The following RTN1 variants were observed in gnomAD, a reference collection of about 807,000 sequenced individuals.
RTN1 encodes the protein reticulon-1.
Under a neutral mutation model 65.5 loss-of-function variants are expected in RTN1, and 25 were observed. The observed-to-expected ratio is 0.38, with a 90% CI of 0.28 to 0.53. The LOEUF (loss-of-function observed/expected upper bound fraction) is 0.53. RTN1 is among the 20% of genes least tolerant of loss of function. The probability of loss-of-function intolerance (pLI) is 0.79; values close to 1 mark genes in which losing one functional copy is unlikely to be tolerated. For missense variants in RTN1, 983 were observed against 1,025.4 expected (o/e 0.96, Z 0.57); for synonymous variants, 471 against 447.6 (o/e 1.05, Z -0.66).
At position 59,774,781 on chromosome 14, in the gene RTN1, C is replaced by T. The variant is rs189957281; in HGVS notation, c.242-28300G>A. Among the ~76,000 whole-genome samples, 1 of 152,298 alleles carries T rather than the reference C, an allele frequency of 6.6e-6. No individual in the cohort carries two copies. The highest frequency in any genetic ancestry group is 1.5e-5 in the Non-Finnish European group (1 of 68,016). ...TATGGTAAAATCAGCCAACAGCCAA[C>T]TCACAACATCTCCCCAAGGAGACCA... On this transcript the variant is annotated intron_variant, in intron 1 of 8. Transcript: ENST00000267484. This position sits in a 1 kb window ranked among gnomAD's most constrained non-coding sequence, Gnocchi z 5.1.
chr14:59,616,415 G>A (rs1245243568), intron 3 of RTN1, among the ~76,000 whole-genome samples: 1 of 152,060 alleles, frequency 6.6e-6, no homozygotes, highest in African/African-American at 2.4e-5. Context: ...AAATTTAACA[G>A]GTGCTCTTAA....
In RTN1 at chr14:59,630,600, T is replaced by C. The variant is rs531887838; in HGVS notation, c.1766-23108A>G. 30 of 1,586,750 alleles carry C rather than the reference T, an allele frequency of 1.9e-5. No homozygotes were observed. The African/African-American group carries it at 2.8e-4, about 15-fold the overall frequency. On this transcript the variant is annotated intron_variant, in intron 3 of 8. Transcript: ENST00000267484. The stretch of plus-strand genomic sequence containing the variant: ...CCGGCTGCTGCGGCTGGGCTCGCAG[T>C]GGCCGCGCGGCTGCGGAGAGACTGA...
In RTN1 at chr14:59,745,707, C is replaced by G. The variant is rs1266056806; in HGVS notation, c.1015+1G>C. 6.3e-7 allele frequency: 1 copy of G among 1,594,290 alleles called. No individual in the cohort carries two copies. Among genetic ancestry groups the G allele is most frequent in the Non-Finnish European group, 8.5e-7 (1 of 1,172,466 alleles). On this transcript the variant is annotated splice_donor_variant, in intron 2 of 8. Transcript: ENST00000267484. LOFTEE classifies it high-confidence loss of function. ...AAGTCAAGCAATAACAGGGCCTTTA[C>G]CTGTTCCAGAAGATGGAGGGGTGAT... is the stretch of plus-strand genomic sequence containing the variant.
At chr14:59,738,392 C>T (rs768653370) in intron 2 of RTN1, among the ~76,000 whole-genome samples, 3 of 152,152 alleles carry the variant, frequency 2.0e-5, no homozygotes, top group Non-Finnish European at 4.4e-5. Context: ...AGACAACAAA[C>T]ATGAATAAAA....
intron 4 of RTN1, 122 bp from the exon 5 acceptor site, chr14:59,605,628 T>G (rs1595109392): frequency 4.0e-6 from 4 of 1,000,748 alleles, no homozygotes; most frequent in South Asian, 1.6e-5. Context: ...GAGTCATCTC[T>G]GGGGGGTTAT....
chr14:59,601,548 C>T (rs1881578403), intron 8 of RTN1, among the ~76,000 whole-genome samples: 1 of 152,152 alleles, frequency 6.6e-6, no homozygotes, highest in Non-Finnish European at 1.5e-5. Flanking sequence ...GTGTCCAGAA[C>T]ATAACAGGTA....
chr14:59,610,164 C>A, intron 3 of RTN1: 1 of 769,676 alleles, frequency 1.3e-6, no homozygotes, highest in Non-Finnish European at 2.4e-6. Context: ...TCCTAAATCT[C>A]CAACCAGGAG....
intron 3 of RTN1, among the ~76,000 whole-genome samples, chr14:59,646,720 T>A (rs1882905063): frequency 6.6e-6 from 1 of 151,918 alleles, no homozygotes; most frequent in South Asian, 2.1e-4. Context: ...AGAAATAAGA[T>A]CCTTTTCAGA....
intron 1 of RTN1, among the ~76,000 whole-genome samples, chr14:59,832,308 C>A (rs968737057): frequency 6.6e-6 from 1 of 152,090 alleles, no homozygotes; most frequent in East Asian, 1.9e-4. Context: ...AAGTTCCCTA[C>A]ATCTTTTTTT....
At chr14:59,749,463 TCTA>T (rs1885354189) in intron 1 of RTN1, among the ~76,000 whole-genome samples, 1 of 102,186 alleles carries the variant, frequency 9.8e-6, no homozygotes, top group African/African-American at 4.2e-5. Flanking sequence ...TCTATATATA[TCTA>T]ATCTATCTAT....
chr14:59,815,757 C>T lies in RTN1; in HGVS notation c.241+54633G>A, dbSNP rs116736413. 2.0e-3 allele frequency among the ~76,000 whole-genome samples: 306 copies of T among 152,282 alleles called. 2 individuals are homozygous for T. Among genetic ancestry groups the T allele is most frequent in the African/African-American group, 7.1e-3 (296 of 41,552 alleles). On this transcript the variant is annotated intron_variant, in intron 1 of 8. Transcript: ENST00000267484. Reference sequence around the variant, plus strand: ...ATTTCACACTCCTCCCTTCCCAACTCGGATCCTATGGTCTGCCTTTTCAAT... The same window carrying T: ...ATTTCACACTCCTCCCTTCCCAACTTGGATCCTATGGTCTGCCTTTTCAAT...
chr14:59,648,889 C>A (rs762242802), intron 3 of RTN1, among the ~76,000 whole-genome samples: 1 of 152,142 alleles, frequency 6.6e-6, no homozygotes, highest in Non-Finnish European at 1.5e-5. Context: ...GACGAGGATG[C>A]CCTCTCTCAC....
chr14:59,788,702 A>T (rs1182769928), intron 1 of RTN1, among the ~76,000 whole-genome samples: 1 of 152,132 alleles, frequency 6.6e-6, no homozygotes, highest in East Asian at 1.9e-4. Context: ...TATTCTTTCA[A>T]TTGATCTATT....
intron 3 of RTN1, among the ~76,000 whole-genome samples, chr14:59,707,333 T>C (rs1884316932): frequency 6.6e-6 from 1 of 152,238 alleles, no homozygotes; most frequent in South Asian, 2.1e-4. Context: ...TCTAATTCTA[T>C]CATCTATCAG....
chr14:59,625,377 A>C (rs1346772914), intron 3 of RTN1, among the ~76,000 whole-genome samples: 1 of 152,230 alleles, frequency 6.6e-6, no homozygotes, highest in South Asian at 2.1e-4. Context: ...TGTAGGGTCT[A>C]AAACTGCAAC....
At chr14:59,733,079 C>CTTT (rs5809048) in intron 2 of RTN1, among the ~76,000 whole-genome samples, 55 of 145,812 alleles carry the variant, frequency 3.8e-4, no homozygotes, top group Admixed American at 6.1e-4. Flanking sequence ...GGTCAGACTG[C>CTTT]TTTTTTTTTT....
chr14:59,772,333 CT>C (rs1388149520), intron 1 of RTN1, among the ~76,000 whole-genome samples: 1 of 151,982 alleles, frequency 6.6e-6, no homozygotes, highest in Non-Finnish European at 1.5e-5. Context: ...TTCTTAGTCA[CT>C]TTTCTTTACA....
At chr14:59,640,431 CTCAGCCTCT>C (rs1386449684) in intron 3 of RTN1, among the ~76,000 whole-genome samples, 2 of 152,204 alleles carry the variant, frequency 1.3e-5, no homozygotes, top group Non-Finnish European at 2.9e-5. Flanking sequence ...ATTCTCCTGC[CTCAGCCTCT>C]TGAGTAGCTG....
chr14:59,756,039 C>A (rs563989877), intron 1 of RTN1, among the ~76,000 whole-genome samples: 1 of 152,284 alleles, frequency 6.6e-6, no homozygotes, highest in South Asian at 2.1e-4. Context: ...ATTCCCATTG[C>A]CTAGGATGTT....
Sources: allele counts gnomAD v4.1 joint callset (sites outside exome capture counted in the v4.1 genomes callset), GRCh38; gene constraint gnomAD v4.1.1; non-coding constraint Gnocchi (gnomAD v3.1); transcripts MANE v1.5; gene names NCBI Gene and HGNC (gene_info 2026-07-23, HGNC 2026-07-21).